The following LAMA1 variants were observed in gnomAD, a reference collection of about 807,000 sequenced individuals.
LAMA1 encodes laminin subunit alpha 1.
Under a neutral mutation model 348.7 loss-of-function variants are expected in LAMA1, and 219 were observed. That is an observed-to-expected ratio of 0.63 (90% CI 0.56 to 0.70). The LOEUF is 0.70. Ranked by LOEUF, LAMA1 falls within the 30% of genes least tolerant of loss-of-function variation. LAMA1 has a pLI of 0.00. For missense variants in LAMA1, 3,744 were observed against 3,888.0 expected (o/e 0.96, Z 0.99); for synonymous variants, 1,487 against 1,491.0 (o/e 1.00, Z 0.06).
intron 1 of LAMA1, among the ~76,000 whole-genome samples, chr18:7,081,083 G>A (rs1444575054): frequency 6.6e-6 from 1 of 151,852 alleles, no homozygotes; most frequent in Non-Finnish European, 1.5e-5. Flanking sequence ...CGGTGGGAGT[G>A]TAAATCAGTT....
Position 7,008,536 on chromosome 18 carries a change from AAG to A in LAMA1, c.4072_4073del (p.Leu1358PhefsTer32). ...CAGGAGGACAGACACAATTCTCTAA[AAG>A]AGATGCAACCTCTTCTTCTGGGTGC... ...KLHPEEEVAS[L>X]LENCVCPPGT... On this transcript the variant is annotated frameshift_variant, in exon 28 of 63. Coordinates refer to ENST00000389658, the MANE Select transcript of LAMA1 (RefSeq NM_005559.4). LOFTEE classifies it high-confidence loss of function. The A allele has an allele frequency of 6.2e-7, 1 of 1,614,108 alleles. No individual in the cohort carries two copies.
intron 48 of LAMA1, among the ~76,000 whole-genome samples, chr18:6,970,959 T>G (rs1407700752): frequency 2.0e-5 from 3 of 152,190 alleles, no homozygotes; most frequent in Admixed American, 1.3e-4. Flanking sequence ...AGAGAAGGCT[T>G]AAACTACAGA....
chr18:7,083,141 T>A (rs2143787699), intron 1 of LAMA1, among the ~76,000 whole-genome samples: 1 of 152,226 alleles, frequency 6.6e-6, no homozygotes, highest in African/African-American at 2.4e-5. Context: ...CAGGTAGTTC[T>A]TTGCACTAGA....
intron 1 of LAMA1, among the ~76,000 whole-genome samples, chr18:7,112,130 T>C (rs1249082190): frequency 6.6e-6 from 1 of 152,172 alleles, no homozygotes; most frequent in African/African-American, 2.4e-5. Flanking sequence ...AAACAATACT[T>C]TTAGAAGTAG....
At chr18:6,956,896 G>A in intron 55 of LAMA1, 131 bp from the exon 56 acceptor site, 1 of 974,918 alleles carries the variant, frequency 1.0e-6, no homozygotes, top group East Asian at 2.6e-5. Context: ...AGTAACCAAA[G>A]TGCCAATCCT....
chr18:7,109,012 C>T (rs542947919), intron 1 of LAMA1, among the ~76,000 whole-genome samples: 1 of 152,302 alleles, frequency 6.6e-6, no homozygotes, highest in East Asian at 1.9e-4. Flanking sequence ...CCCAAAGGGT[C>T]TGCTTGAAGA....
At chr18:7,091,417 C>G (rs926611886) in intron 1 of LAMA1, among the ~76,000 whole-genome samples, 3 of 152,122 alleles carry the variant, frequency 2.0e-5, no homozygotes, top group Non-Finnish European at 4.4e-5. Context: ...TTAAATTTTG[C>G]TTATATCATT....
Position 6,942,118 on chromosome 18 carries a change from G to A in LAMA1, c.9189C>T (p.His3063=), listed in dbSNP as rs367601248. Residue 3063 remains histidine, a synonymous_variant, in exon 63 of 63, where the codon CAC becomes CAT. Coordinates refer to ENST00000389658, the MANE Select transcript of LAMA1 (RefSeq NM_005559.4). The part of the protein sequence containing the change: ...SFDFSRAFEL[H]GVFLHSCPGT... Reference sequence around the variant, plus strand: ...CAGGACAGGAATGAAGGAAAACTCCGTGCAGTTCGAACGCTCTGCTGAAGT... The same window carrying A: ...CAGGACAGGAATGAAGGAAAACTCCATGCAGTTCGAACGCTCTGCTGAAGT... 3.9e-5 allele frequency: 63 copies of A among 1,614,040 alleles called. No individual in the cohort carries two copies. Among genetic ancestry groups the A allele is most frequent in the East Asian group, 1.6e-4 (7 of 44,882 alleles).
intron 1 of LAMA1, among the ~76,000 whole-genome samples, chr18:7,087,684 C>T (rs760879935): frequency 6.6e-6 from 1 of 152,136 alleles, no homozygotes; most frequent in Admixed American, 6.6e-5. Context: ...ACTCTGAAAT[C>T]GCTAGTGCCT....
chr18:7,094,440 A>AG (rs1353113469), intron 1 of LAMA1, among the ~76,000 whole-genome samples: 6 of 151,724 alleles, frequency 4.0e-5, no homozygotes, highest in Non-Finnish European at 8.8e-5. Flanking sequence ...AAAAAAAAAA[A>AG]AAAAAAAAGA....
At chr18:7,099,264 A>C (rs1487161698) in intron 1 of LAMA1, among the ~76,000 whole-genome samples, 1 of 150,654 alleles carries the variant, frequency 6.6e-6, no homozygotes, top group African/African-American at 2.4e-5. Flanking sequence ...AGATGCTTGA[A>C]GGCAGCATGC....
At chr18:6,957,280 CAGAAACGT>C (rs1377072727) in intron 55 of LAMA1, 1 of 172,966 alleles carries the variant, frequency 5.8e-6, no homozygotes, top group East Asian at 1.5e-4. Flanking sequence ...GGGAACTCCA[CAGAAACGT>C]TTCTGCTCTA....
intron 3 of LAMA1, among the ~76,000 whole-genome samples, chr18:7,056,078 C>CA (rs745622734): frequency 0.019 from 2,239 of 116,220 alleles, 24 homozygotes; most frequent in African/African-American, 0.043. Flanking sequence ...AGACTGTCTC[C>CA]AAAAAAAAAA....
chr18:7,044,581 A>G, intron 7 of LAMA1, 141 bp downstream of exon 7: 1 of 772,234 alleles, frequency 1.3e-6, no homozygotes, highest in East Asian at 2.5e-5. Flanking sequence ...TAAAATTTTA[A>G]GGTCATCTGC....
intron 5 of LAMA1, among the ~76,000 whole-genome samples, chr18:7,047,639 T>C: frequency 6.6e-6 from 1 of 152,140 alleles, no homozygotes; most frequent in East Asian, 1.9e-4. Flanking sequence ...TCTCAAGACC[T>C]ACTGTAAAGC....
intron 1 of LAMA1, among the ~76,000 whole-genome samples, chr18:7,108,560 G>A (rs2058323126): frequency 7.2e-6 from 1 of 139,698 alleles, no homozygotes; most frequent in African/African-American, 2.7e-5. Context: ...GGAGGCTGAG[G>A]CAAGAGAATT....
intron 1 of LAMA1, among the ~76,000 whole-genome samples, chr18:7,092,467 T>C (rs572585780): frequency 2.0e-5 from 3 of 151,856 alleles, no homozygotes; most frequent in Admixed American, 2.0e-4. Flanking sequence ...CTACTAAAAA[T>C]ACAAAAAAAT....
At chr18:7,087,389 G>C (rs2058222074) in intron 1 of LAMA1, among the ~76,000 whole-genome samples, 1 of 152,218 alleles carries the variant, frequency 6.6e-6, no homozygotes, top group South Asian at 2.1e-4. Flanking sequence ...TGAGTTGGAA[G>C]AGAAACAGAT....
chr18:6,949,056 C>T (rs368100268), intron 59 of LAMA1, 45 bp downstream of exon 59: 26 of 1,611,906 alleles, frequency 1.6e-5, no homozygotes, highest in South Asian at 8.8e-5. Flanking sequence ...AAAATAAACA[C>T]GAACACAACG....
Sources: allele counts gnomAD v4.1 joint callset (sites outside exome capture counted in the v4.1 genomes callset), GRCh38; gene constraint gnomAD v4.1.1; transcripts MANE v1.5; gene names NCBI Gene and HGNC (gene_info 2026-07-23, HGNC 2026-07-21).